The following CCSER1 variants were observed in gnomAD, a reference collection of about 807,000 sequenced individuals.
CCSER1 encodes serine-rich coiled-coil domain-containing protein 1.
A neutral mutation model predicts 82.0 loss-of-function variants in CCSER1; 41 were observed. The observed-to-expected ratio is 0.50, with a 90% confidence interval of 0.39 to 0.65. The LOEUF (loss-of-function observed/expected upper bound fraction) is 0.65. Among genes scored for constraint, CCSER1 ranks in the 30% least tolerant of loss-of-function variants. The pLI is 0.00. For missense variants in CCSER1, 1,119 were observed against 1,064.2 expected (o/e 1.05, Z -0.72); for synonymous variants, 414 against 383.9 (o/e 1.08, Z -0.92).
chr4:91,307,675 G>A (rs1276498865), intron 10 of CCSER1, among the ~76,000 whole-genome samples: 1 of 151,928 alleles, frequency 6.6e-6, no homozygotes, highest in Non-Finnish European at 1.5e-5. Context: ...TTTTCCTTGA[G>A]AGAATAGAAA....
intron 7 of CCSER1, among the ~76,000 whole-genome samples, chr4:90,744,532 T>C (rs1233151153): frequency 1.3e-5 from 2 of 152,148 alleles, no homozygotes; most frequent in African/African-American, 2.4e-5. Context: ...CTGCATATGC[T>C]CTAACTAGGA....
At chr4:91,169,874 T>A (rs1243301704) in intron 10 of CCSER1, among the ~76,000 whole-genome samples, 3 of 152,222 alleles carry the variant, frequency 2.0e-5, no homozygotes, top group Admixed American at 2.0e-4. Flanking sequence ...AGAATTCAAT[T>A]GTATTGATAA....
intron 7 of CCSER1, among the ~76,000 whole-genome samples, chr4:90,761,964 C>T (rs758924818): frequency 1.3e-5 from 2 of 151,834 alleles, no homozygotes; most frequent in Non-Finnish European, 2.9e-5. Context: ...AAATTATGAT[C>T]ATCTGATTAT....
At chr4:91,282,335 G>C (rs17018317) in intron 10 of CCSER1, among the ~76,000 whole-genome samples, 2,089 of 152,200 alleles carry the variant, frequency 0.014, 55 homozygotes, top group African/African-American at 0.048. Context: ...ACTCAAAGTA[G>C]TAAACATTAG....
At position 91,152,848 on chromosome 4, in the gene CCSER1, C is replaced by T. The variant is rs933710731; in HGVS notation, c.2217+66854C>T. ...CTTTAAGAATGTTGAATATTAGCCCCCACTCTCTTCTGGCTTGTAGAGTTT... is the reference window on the plus strand; with the variant it reads ...CTTTAAGAATGTTGAATATTAGCCCTCACTCTCTTCTGGCTTGTAGAGTTT... On this transcript the variant is annotated intron_variant, in intron 10 of 10. Coordinates refer to ENST00000509176, the MANE Select transcript of CCSER1 (RefSeq NM_001145065.2). Among the ~76,000 whole-genome samples, 55 of 151,990 alleles carry T rather than the reference C, an allele frequency of 3.6e-4. 1 individual carries two copies. The highest frequency in any genetic ancestry group is 1.3e-3 in the African/African-American group (52 of 41,416).
intron 4 of CCSER1, among the ~76,000 whole-genome samples, chr4:90,412,763 A>G (rs549629303): frequency 6.6e-6 from 1 of 152,192 alleles, no homozygotes; most frequent in Non-Finnish European, 1.5e-5. Context: ...ACCTTAAGGT[A>G]ATAAAAGCCA....
At chr4:91,198,438 T>TA (rs1168649249) in intron 10 of CCSER1, among the ~76,000 whole-genome samples, 1 of 152,054 alleles carries the variant, frequency 6.6e-6, no homozygotes, top group Non-Finnish European at 1.5e-5. Flanking sequence ...ACATAAAGAT[T>TA]AAAAAATGAT....
chr4:90,882,656 A>C (rs2150078814), intron 8 of CCSER1, among the ~76,000 whole-genome samples: 1 of 152,140 alleles, frequency 6.6e-6, no homozygotes, highest in African/African-American at 2.4e-5. Context: ...ATTAAAGAAT[A>C]ATGAGTAGCT....
chr4:90,648,697 C>A (rs1728176467), intron 6 of CCSER1, among the ~76,000 whole-genome samples: 1 of 152,186 alleles, frequency 6.6e-6, no homozygotes, highest in Non-Finnish European at 1.5e-5. Context: ...GTAGGAGAAA[C>A]CAAACTTGCT....
At chr4:90,988,353 A>G (rs1367459379) in intron 9 of CCSER1, among the ~76,000 whole-genome samples, 4 of 148,708 alleles carry the variant, frequency 2.7e-5, no homozygotes, top group Non-Finnish European at 4.5e-5. Flanking sequence ...AAAAAAAAAA[A>G]AAAAAAAAAA....
intron 1 of CCSER1, among the ~76,000 whole-genome samples, chr4:90,283,032 C>T (rs35994777): frequency 0.13 from 20,418 of 151,866 alleles, 1,603 homozygotes; most frequent in East Asian, 0.3. Context: ...TGAAAATAAA[C>T]GGCTTTGCTT....
At chr4:90,335,058 T>A (rs1177440800) in intron 3 of CCSER1, among the ~76,000 whole-genome samples, 1 of 152,198 alleles carries the variant, frequency 6.6e-6, no homozygotes, top group Non-Finnish European at 1.5e-5. Flanking sequence ...TATTGTATTG[T>A]AAGTAGCAGC....
intron 9 of CCSER1, among the ~76,000 whole-genome samples, chr4:91,019,486 A>G (rs1739732698): frequency 6.6e-6 from 1 of 152,154 alleles, no homozygotes; most frequent in South Asian, 2.1e-4. Flanking sequence ...TGATATTGAG[A>G]GCATAGTAAA....
At chr4:91,038,430 T>C (rs1741638790) in intron 9 of CCSER1, among the ~76,000 whole-genome samples, 1 of 105,386 alleles carries the variant, frequency 9.5e-6, no homozygotes, top group African/African-American at 3.8e-5. Context: ...AGCAAAATAT[T>C]TTAAAAATAC....
intron 10 of CCSER1, among the ~76,000 whole-genome samples, chr4:91,276,582 T>A (rs1742471111): frequency 6.6e-6 from 1 of 152,078 alleles, no homozygotes; most frequent in Non-Finnish European, 1.5e-5. Flanking sequence ...TAAGATCATG[T>A]CATCTCCAAA....
chr4:90,399,800 G>C (rs1048865483), intron 3 of CCSER1, among the ~76,000 whole-genome samples: 1 of 150,942 alleles, frequency 6.6e-6, no homozygotes, highest in South Asian at 2.1e-4. Flanking sequence ...CATTAAAAAA[G>C]AAAAAAAATG....
chr4:91,229,361 AAAAC>A (rs1301053491), intron 10 of CCSER1, among the ~76,000 whole-genome samples: 1 of 152,030 alleles, frequency 6.6e-6, no homozygotes, highest in Non-Finnish European at 1.5e-5. Flanking sequence ...AATTAAAAAA[AAAAC>A]AGAGTACTCT....
intron 7 of CCSER1, chr4:90,781,308 C>A (rs2149611199): frequency 1.0e-6 from 1 of 985,138 alleles, no homozygotes; most frequent in Non-Finnish European, 1.2e-6. Flanking sequence ...GTGCTGAGCT[C>A]AAAAAATAGT....
At chr4:90,279,151 G>C (rs1037456975) in intron 1 of CCSER1, among the ~76,000 whole-genome samples, 2 of 152,036 alleles carry the variant, frequency 1.3e-5, no homozygotes, top group African/African-American at 4.8e-5. Context: ...AGTTGGACTT[G>C]AGATAAAATC....
Sources: gnomAD v4.1 joint callset for allele counts (sites outside exome capture counted in the v4.1 genomes callset) on GRCh38, gnomAD v4.1.1 for gene constraint, MANE v1.5 for transcripts, NCBI Gene and HGNC (gene_info 2026-07-23, HGNC 2026-07-21) for gene names.